The following MRTFA variants were observed in gnomAD, a reference collection of about 807,000 sequenced individuals.
MRTFA encodes myocardin related transcription factor A.
A neutral mutation model predicts 83.5 loss-of-function variants in MRTFA; 20 were observed. That is an observed-to-expected ratio of 0.24 (90% CI 0.17 to 0.35). The LOEUF is 0.35. Ranked by LOEUF, MRTFA falls within the 10% of genes least tolerant of loss-of-function variation. The pLI is 1.00. For synonymous variants in MRTFA, 659 were observed against 541.2 expected (o/e 1.22, Z -3.02); for missense variants, 1,200 against 1,224.7 (o/e 0.98, Z 0.30).
At chr22:40,424,531 C>T (rs1229999997) in intron 7 of MRTFA, 150 bp from the exon 8 acceptor site, 2 of 835,536 alleles carry the variant, frequency 2.4e-6, no homozygotes, top group African/African-American at 3.5e-5. Flanking sequence ...AGCAGCCAAT[C>T]TGCTTTCTTG....
At chr22:40,598,556 G>A (rs1220407854) in intron 1 of MRTFA, among the ~76,000 whole-genome samples, 1 of 152,058 alleles carries the variant, frequency 6.6e-6, no homozygotes, top group Non-Finnish European at 1.5e-5. Flanking sequence ...CTAGTACAAT[G>A]TATTTATTCT....
chr22:40,508,539 A>AAAT (rs1569303343), intron 3 of MRTFA, among the ~76,000 whole-genome samples: 2 of 149,034 alleles, frequency 1.3e-5, no homozygotes, highest in Non-Finnish European at 3.0e-5. Flanking sequence ...AAAAAAAAAA[A>AAAT]AGGATTCATT....
chr22:40,435,494 C>A lies in MRTFA; in HGVS notation c.363+5G>T. ...GAGTTCTGAGGGGGAAAAAAGGTAC[C>A]TTACCCTGGCCCGCTCCAAGCTCCT... is the stretch of plus-strand genomic sequence containing the variant. On this transcript the variant is annotated splice_donor_5th_base_variant and intron_variant, in intron 5 of 14. Transcript: ENST00000355630. The A allele has an allele frequency of 6.2e-7, 1 of 1,614,186 alleles. No homozygotes were observed. The highest frequency in any genetic ancestry group is 1.6e-4 in the Middle Eastern group (1 of 6,062).
Position 40,616,544 on chromosome 22 carries a change from G to C in MRTFA, c.-84+19934C>G, listed in dbSNP as rs561021626. Among the ~76,000 whole-genome samples, 7 of 152,212 alleles carry C rather than the reference G, an allele frequency of 4.6e-5. No individual in the cohort carries two copies. In the South Asian group the frequency reaches 1.5e-3, roughly 32 times the overall value. ...GCAGAGATAAGAAGGTGACAAATGAGGTAATATTTATGGAGTGATTATCAA... is the reference window on the plus strand; with the variant it reads ...GCAGAGATAAGAAGGTGACAAATGACGTAATATTTATGGAGTGATTATCAA... On this transcript the variant is annotated intron_variant, in intron 1 of 14. Transcript: ENST00000355630.
chr22:40,596,781 G>C (rs924716977), intron 1 of MRTFA, among the ~76,000 whole-genome samples: 18 of 151,946 alleles, frequency 1.2e-4, no homozygotes, highest in African/African-American at 3.9e-4. Context: ...CTCTAGCCTG[G>C]GTAACAGAGC....
intron 3 of MRTFA, among the ~76,000 whole-genome samples, chr22:40,483,685 T>TAA (rs536293323): frequency 2.1e-5 from 3 of 140,950 alleles, no homozygotes; most frequent in Non-Finnish European, 4.7e-5. Flanking sequence ...ACTGTCTCAA[T>TAA]AAAAAAAAAA....
intron 3 of MRTFA, among the ~76,000 whole-genome samples, chr22:40,526,960 CA>C (rs2147268767): frequency 6.6e-6 from 1 of 151,746 alleles, no homozygotes; most frequent in Non-Finnish European, 1.5e-5. Flanking sequence ...CTTATTGGGG[CA>C]GGGGAGGAGA....
chr22:40,411,118 G>C lies in MRTFA; in HGVS notation c.*272C>G. On this transcript the variant is annotated 3_prime_UTR_variant, in exon 15 of 15. Coordinates refer to ENST00000355630, the MANE Select transcript of MRTFA (RefSeq NM_020831.6). ...AGTGCCCCCTGACCTCAAAAAAGGA[G>C]GTCAAGCTGAAATGGCCCTGACCCT... 1 of 353,732 alleles carries C rather than the reference G, an allele frequency of 2.8e-6. No homozygotes were observed. The highest frequency in any genetic ancestry group is 5.1e-6 in the Non-Finnish European group (1 of 196,762). 21.9% of individuals were successfully genotyped at this position (353,732 alleles called of 1,614,324 possible).
At chr22:40,610,123 C>T (rs1269151558) in intron 1 of MRTFA, among the ~76,000 whole-genome samples, 1 of 149,672 alleles carries the variant, frequency 6.7e-6, no homozygotes, top group East Asian at 1.9e-4. Flanking sequence ...CTCAGCTCAC[C>T]GCAACCTCCA....
intron 4 of MRTFA, among the ~76,000 whole-genome samples, chr22:40,451,719 G>T (rs1200962187): frequency 6.6e-6 from 1 of 152,040 alleles, no homozygotes; most frequent in Non-Finnish European, 1.5e-5. Context: ...GACCTTCTAG[G>T]CTTCTCTTTG....
At chr22:40,465,734 AT>A (rs112177128) in intron 3 of MRTFA, among the ~76,000 whole-genome samples, 11 of 146,990 alleles carry the variant, frequency 7.5e-5, no homozygotes, top group African/African-American at 1.2e-4. Context: ...TAATTTTTTA[AT>A]TTTTTTTTTT....
rs1353997468 is a variant in MRTFA, at chr22:40,416,160, C to T, written c.2578+826G>A. Among the ~76,000 whole-genome samples the T allele has an allele frequency of 3.9e-5, 6 of 152,222 alleles. No homozygotes were observed. The highest frequency in any genetic ancestry group is 9.6e-5 in the African/African-American group (4 of 41,454). ...CAGCTCACCCCATCAATGGCCACTC[C>T]ACCCTGGCCCTTTAGGCCACAGCCC... On this transcript the variant is annotated intron_variant, in intron 14 of 14. Coordinates refer to ENST00000355630, the MANE Select transcript of MRTFA (RefSeq NM_020831.6). The surrounding 1 kb of genome is among the most constrained non-coding windows in gnomAD (Gnocchi z 4.2).
At chr22:40,521,010 T>C (rs1474229982) in intron 3 of MRTFA, among the ~76,000 whole-genome samples, 2 of 151,944 alleles carry the variant, frequency 1.3e-5, no homozygotes, top group Non-Finnish European at 2.9e-5. Flanking sequence ...TCTGAGATAA[T>C]TATAGATTCA....
At chr22:40,420,303 G>T in intron 11 of MRTFA, 102 bp downstream of exon 11, 1 of 1,359,644 alleles carries the variant, frequency 7.4e-7, no homozygotes, top group Non-Finnish European at 1.0e-6. Context: ...ATGACGGTGG[G>T]TCCTAGGCTG....
intron 2 of MRTFA, among the ~76,000 whole-genome samples, chr22:40,555,385 TAGTG>T (rs2055505083): frequency 1.3e-5 from 2 of 152,046 alleles, no homozygotes; most frequent in African/African-American, 4.8e-5. Context: ...GTCCACATGG[TAGTG>T]AGTGAGTTCT....
chr22:40,423,301 A>G (rs1369208665), intron 9 of MRTFA, among the ~76,000 whole-genome samples: 2 of 152,216 alleles, frequency 1.3e-5, no homozygotes, highest in African/African-American at 4.8e-5. Context: ...GGATGAGAGC[A>G]GGAGTGAGGA....
intron 2 of MRTFA, among the ~76,000 whole-genome samples, chr22:40,579,486 A>T (rs2055914518): frequency 6.6e-6 from 1 of 152,218 alleles, no homozygotes; most frequent in South Asian, 2.1e-4. Flanking sequence ...AGCCTTCCTC[A>T]GAATCAAAGT....
intron 1 of MRTFA, among the ~76,000 whole-genome samples, chr22:40,607,185 A>G (rs1218914861): frequency 6.6e-6 from 1 of 152,166 alleles, no homozygotes; most frequent in Non-Finnish European, 1.5e-5. Flanking sequence ...GAGTTTGCAT[A>G]CCTGGTGTCA....
intron 4 of MRTFA, among the ~76,000 whole-genome samples, chr22:40,437,762 C>CA (rs1180457762): frequency 0.2 from 20,960 of 105,480 alleles, 1,730 homozygotes; most frequent in East Asian, 0.3. Context: ...GACTCCGTCT[C>CA]AAAAAAAAAA....
Sources: gnomAD v4.1 joint callset for allele counts (sites outside exome capture counted in the v4.1 genomes callset) on GRCh38, gnomAD v4.1.1 for gene constraint, Gnocchi (gnomAD v3.1) non-coding constraint, MANE v1.5 for transcripts, NCBI Gene and HGNC (gene_info 2026-07-23, HGNC 2026-07-21) for gene names.